Variants in HDAC8 observed in about 807,000 individuals in gnomAD.
HDAC8 encodes histone deacetylase 8, also known as histone deacetylase-like 1.
In HDAC8, 1 loss-of-function variant was observed where a neutral mutation model predicts 32.2. The ratio of observed to expected loss-of-function variants is 0.03; its 90% CI spans 0.01 to 0.15. HDAC8 has a LOEUF of 0.15. HDAC8 is among the 10% of genes least tolerant of loss of function. The probability of loss-of-function intolerance (pLI) is 1.00; values close to 1 mark genes in which losing one functional copy is unlikely to be tolerated. For synonymous variants in HDAC8, 108 were observed against 113.9 expected, an observed-to-expected ratio of 0.95 and a Z score of 0.33; for missense variants, 117 against 300.0, an observed-to-expected ratio of 0.39 and a Z score of 4.51.
At chrX:72,367,962 C>A (rs1367920379) in intron 9 of HDAC8, among the ~76,000 whole-genome samples, 2 of 112,971 alleles carry the variant, frequency 1.8e-5, no homozygotes, top group African/African-American at 6.4e-5. Context: ...ATAGAATGAA[C>A]AAAATGAAAT....
intron 9 of HDAC8, 57 bp from the exon 10 acceptor site, chrX:72,351,895 C>T: frequency 1.2e-6 from 1 of 832,037 alleles, no homozygotes. Flanking sequence ...ACCTCCAAAC[C>T]AACCACATAC....
chrX:72,470,920 CAA>C (rs2048156794), intron 7 of HDAC8, among the ~76,000 whole-genome samples: 2 of 111,101 alleles, frequency 1.8e-5, no homozygotes, highest in Non-Finnish European at 3.8e-5. Context: ...TTAGCATATT[CAA>C]AGAGTTGTGC....
intron 9 of HDAC8, among the ~76,000 whole-genome samples, chrX:72,428,774 TCTC>T (rs1555976448): frequency 9.0e-6 from 1 of 111,605 alleles, no homozygotes; most frequent in African/African-American, 3.3e-5. Flanking sequence ...ATGACAAAGA[TCTC>T]CTCTCTTGTC....
chrX:72,480,909 G>C (rs1556002717), intron 7 of HDAC8, among the ~76,000 whole-genome samples: 5 of 110,135 alleles, frequency 4.5e-5, no homozygotes, highest in Non-Finnish European at 9.5e-5. Flanking sequence ...GTCAGGGGGT[G>C]GGGAGCCAGG....
chrX:72,441,544 C>T (rs1555981829), intron 9 of HDAC8, among the ~76,000 whole-genome samples: 1 of 111,539 alleles, frequency 9.0e-6, no homozygotes, highest in Non-Finnish European at 1.9e-5. Flanking sequence ...TTTACATCAC[C>T]ATCATCAAAG....
Position 72,345,096 on chromosome X carries a change from G to A in HDAC8, c.1111+6637C>T, listed in dbSNP as rs181035098. ...TTTCTCAACTATTTATCAGGAGGAG[G>A]GATCATGTCTTAAACACCTCGTATA... On this transcript the variant is annotated intron_variant, in intron 10 of 10. Coordinates refer to ENST00000373573, the MANE Select transcript of HDAC8 (RefSeq NM_018486.3). 7.2e-5 allele frequency among the ~76,000 whole-genome samples: 8 copies of A among 111,551 alleles called. No homozygotes were observed. The East Asian group carries it at 2.2e-3, about 31-fold the overall frequency.
At chrX:72,374,155 C>T (rs1303137338) in intron 9 of HDAC8, among the ~76,000 whole-genome samples, 1 of 111,573 alleles carries the variant, frequency 9.0e-6, no homozygotes, top group Non-Finnish European at 1.9e-5. Flanking sequence ...AGCAATCCTC[C>T]CCGCCTCAGC....
chrX:72,453,506 A>AAGAAAGAAAG (rs2047640769), intron 9 of HDAC8, among the ~76,000 whole-genome samples: 3 of 109,875 alleles, frequency 2.7e-5, no homozygotes, highest in Admixed American at 2.0e-4. Flanking sequence ...GAAAGAAAGA[A>AAGAAAGAAAG]AGAAAGAAAG....
At chrX:72,480,281 A>C (rs2048457264) in intron 7 of HDAC8, among the ~76,000 whole-genome samples, 1 of 112,644 alleles carries the variant, frequency 8.9e-6, no homozygotes, top group Admixed American at 9.4e-5. Flanking sequence ...TTATCAAGGT[A>C]GTGTAGCTGT....
chrX:72,452,885 G>A (rs1290558901), intron 9 of HDAC8, among the ~76,000 whole-genome samples: 1 of 111,499 alleles, frequency 9.0e-6, no homozygotes, highest in Non-Finnish European at 1.9e-5. Flanking sequence ...AAATGATGGA[G>A]TTAGTAGACA....
intron 9 of HDAC8, among the ~76,000 whole-genome samples, chrX:72,374,544 C>T (rs935889420): frequency 5.4e-5 from 6 of 110,731 alleles, no homozygotes; most frequent in Admixed American, 9.5e-5. Flanking sequence ...CGGTAGCACA[C>T]GCCTGTAGTC....
chrX:72,547,869 C>T (rs1458550283), intron 4 of HDAC8, among the ~76,000 whole-genome samples: 1 of 111,930 alleles, frequency 8.9e-6, no homozygotes, highest in Non-Finnish European at 1.9e-5. Context: ...CTTGGGACTC[C>T]ACTTAGGCAA....
chrX:72,442,076 G>A (rs1441008576), intron 9 of HDAC8, among the ~76,000 whole-genome samples: 1 of 111,284 alleles, frequency 9.0e-6, no homozygotes, highest in Non-Finnish European at 1.9e-5. Flanking sequence ...ACCTGAAAGT[G>A]ACGGGGAGAA....
intron 9 of HDAC8, among the ~76,000 whole-genome samples, chrX:72,432,466 T>G (rs1207235455): frequency 9.0e-6 from 1 of 111,051 alleles, no homozygotes; most frequent in Non-Finnish European, 1.9e-5. Context: ...GTGGCCTCCT[T>G]TCAGCACCCA....
At chrX:72,489,525 G>A (rs1458610332) in intron 6 of HDAC8, among the ~76,000 whole-genome samples, 1 of 111,072 alleles carries the variant, frequency 9.0e-6, no homozygotes. Context: ...TTAATAAATG[G>A]TGCTGGGAAA....
intron 10 of HDAC8, among the ~76,000 whole-genome samples, chrX:72,340,385 G>A (rs2043855692): frequency 9.0e-6 from 1 of 111,652 alleles, no homozygotes; most frequent in Non-Finnish European, 1.9e-5. Flanking sequence ...AAAATTCTGG[G>A]CTGGGAAATC....
At position 72,517,108 on chromosome X, in the gene HDAC8, C is replaced by G. The variant is rs782199505; in HGVS notation, c.438-21840G>C. ...TCATGTACATTTGTTATTATCTGAC[C>G]TTTTGATTCTAGCCATCTTAGTGAA... On this transcript the variant is annotated intron_variant, in intron 4 of 10. Coordinates refer to ENST00000373573, the MANE Select transcript of HDAC8 (RefSeq NM_018486.3). Among the ~76,000 whole-genome samples, 7 of 112,309 alleles carry G rather than the reference C, an allele frequency of 6.2e-5. No homozygotes were observed. In the South Asian group the frequency reaches 1.5e-3, roughly 24 times the overall value.
intron 9 of HDAC8, among the ~76,000 whole-genome samples, chrX:72,366,165 C>T (rs1334212534): frequency 1.8e-5 from 2 of 112,191 alleles, no homozygotes; most frequent in African/African-American, 6.5e-5. Flanking sequence ...CCCCTCCCTT[C>T]CTGAGCTTTC....
intron 4 of HDAC8, among the ~76,000 whole-genome samples, chrX:72,514,209 G>A (rs2049704036): frequency 8.9e-6 from 1 of 112,196 alleles, no homozygotes; most frequent in South Asian, 3.7e-4. Flanking sequence ...AGGCTGCACA[G>A]ACCATCTAGC....
Sources: gnomAD v4.1 joint callset for allele counts (sites outside exome capture counted in the v4.1 genomes callset) on GRCh38, gnomAD v4.1.1 for gene constraint, MANE v1.5 for transcripts, NCBI Gene and HGNC (gene_info 2026-07-23, HGNC 2026-07-21) for gene names.